The following CLASP1 variants were observed in gnomAD, a reference collection of about 807,000 sequenced individuals.
The protein encoded by CLASP1 is cytoplasmic linker associated protein 1.
In CLASP1, 38 loss-of-function variants were observed where a neutral mutation model predicts 192.3. The ratio of observed to expected loss-of-function variants is 0.20; its 90% CI spans 0.15 to 0.26. The LOEUF is 0.26. Ranked by LOEUF, CLASP1 falls within the 10% of genes least tolerant of loss-of-function variation. The pLI is 1.00. For synonymous variants in CLASP1, 691 were observed against 712.8 expected, an observed-to-expected ratio of 0.97 and a Z score of 0.49; for missense variants, 1,433 against 1,932.5, an observed-to-expected ratio of 0.74 and a Z score of 4.85.
intron 33 of CLASP1, among the ~76,000 whole-genome samples, chr2:121,378,998 T>C (rs1446372814): frequency 1.3e-5 from 2 of 149,092 alleles, no homozygotes; most frequent in Admixed American, 6.7e-5. Flanking sequence ...TTGGGGCAGA[T>C]GAGCAAGGTA....
chr2:121,529,769 G>C (rs1382120505), intron 3 of CLASP1, among the ~76,000 whole-genome samples: 1 of 152,140 alleles, frequency 6.6e-6, no homozygotes, highest in African/African-American at 2.4e-5. Context: ...TAATCATCTG[G>C]AGAAAAATAC....
At chr2:121,361,629 T>C (rs1039601486) in intron 37 of CLASP1, among the ~76,000 whole-genome samples, 1 of 152,144 alleles carries the variant, frequency 6.6e-6, no homozygotes, top group African/African-American at 2.4e-5. Flanking sequence ...TGGCTATTGT[T>C]AGTGCATTTT....
At chr2:121,491,795 T>C (rs1205483391) in intron 8 of CLASP1, among the ~76,000 whole-genome samples, 1 of 152,248 alleles carries the variant, frequency 6.6e-6, no homozygotes, top group Non-Finnish European at 1.5e-5. Flanking sequence ...CCATTTCAAA[T>C]TGCTACTTGG....
chr2:121,478,837 C>CCACACACACCA (rs2092157300), intron 8 of CLASP1, among the ~76,000 whole-genome samples: 4 of 94,370 alleles, frequency 4.2e-5, no homozygotes, highest in Admixed American at 1.1e-4. Context: ...ACACCACACA[C>CCACACACACCA]CACACACACA....
At position 121,515,548 on chromosome 2, in the gene CLASP1, T is replaced by C. The variant is rs926182828; in HGVS notation, c.644+117A>G. On this transcript the variant is annotated intron_variant, in intron 7 of 39. Transcript: ENST00000263710. ...AATCTCCAACTACCCTCTAACCTTA[T>C]ATTCTTTGAATAAAATAACCACAAC... The C allele has an allele frequency of 4.1e-5, 33 of 805,466 alleles. No individual in the cohort carries two copies. The East Asian group carries it at 8.9e-4, about 22-fold the overall frequency. 49.9% of individuals were successfully genotyped at this position (805,466 alleles called of 1,614,324 possible). A position where few individuals can be genotyped will look rare whatever the true frequency, so the allele number is the denominator to read the frequency against.
intron 2 of CLASP1, among the ~76,000 whole-genome samples, chr2:121,581,290 T>C (rs13029673): frequency 2.8e-4 from 31 of 110,554 alleles, no homozygotes; most frequent in African/African-American, 5.6e-4. Flanking sequence ...TTTTTTGAGA[T>C]GGAGTCTCGC....
intron 2 of CLASP1, among the ~76,000 whole-genome samples, chr2:121,541,711 G>A (rs1441892258): frequency 6.6e-6 from 1 of 152,160 alleles, no homozygotes; most frequent in Non-Finnish European, 1.5e-5. Context: ...CTTTGGGGCT[G>A]ACATCCAGCT....
intron 2 of CLASP1, among the ~76,000 whole-genome samples, chr2:121,593,368 C>A (rs1021691262): frequency 5.3e-5 from 8 of 152,052 alleles, no homozygotes; most frequent in African/African-American, 1.9e-4. Flanking sequence ...ACCTGTAATC[C>A]CAGCACTTAG....
At chr2:121,476,480 A>C (rs978275845) in intron 8 of CLASP1, among the ~76,000 whole-genome samples, 6 of 152,210 alleles carry the variant, frequency 3.9e-5, no homozygotes, top group Middle Eastern at 3.2e-3. Context: ...TTGTAATTAG[A>C]AGCTTTGGGC....
At chr2:121,594,069 C>G (rs28446341) in intron 2 of CLASP1, among the ~76,000 whole-genome samples, 1 of 151,392 alleles carries the variant, frequency 6.6e-6, no homozygotes, top group Non-Finnish European at 1.5e-5. Context: ...GAGGCCGAGG[C>G]GGGTGGAGAT....
chr2:121,490,349 G>GC (rs1261586675), intron 8 of CLASP1: 1 of 440,116 alleles, frequency 2.3e-6, no homozygotes, highest in Non-Finnish European at 4.5e-6. Context: ...CCTACTCACA[G>GC]CAACTTAAGC....
exon 40 of CLASP1, chr2:121,339,123 ACAC>A (rs1298584256): frequency 1.4e-5 from 2 of 144,100 alleles, no homozygotes; most frequent in Non-Finnish European, 2.9e-5. Context: ...GCACAAACAC[ACAC>A]AACACCACAC....
At chr2:121,418,815 T>A in intron 22 of CLASP1, 86 bp from the exon 23 acceptor site, 2 of 975,648 alleles carry the variant, frequency 2.0e-6, no homozygotes, top group Non-Finnish European at 3.2e-6. Flanking sequence ...CACATTTGGT[T>A]AATGTAATTA....
chr2:121,366,087 C>A (rs1277397089), intron 35 of CLASP1, among the ~76,000 whole-genome samples: 1 of 152,192 alleles, frequency 6.6e-6, no homozygotes, highest in Non-Finnish European at 1.5e-5. Flanking sequence ...AGCAAACACA[C>A]AAGAAAGTCT....
intron 14 of CLASP1, among the ~76,000 whole-genome samples, chr2:121,456,739 A>T (rs1235497999): frequency 6.6e-6 from 1 of 152,084 alleles, no homozygotes; most frequent in East Asian, 1.9e-4. Context: ...TCAACAAGAC[A>T]CCCCAGGAAA....
intron 17 of CLASP1, 130 bp from the exon 18 acceptor site, chr2:121,448,455 C>T: frequency 2.5e-6 from 2 of 814,540 alleles, no homozygotes; most frequent in Admixed American, 4.2e-5. Context: ...GCAATGTGAA[C>T]CACAATGTTG....
At chr2:121,463,175 T>C (rs1272721397) in intron 9 of CLASP1, among the ~76,000 whole-genome samples, 2 of 152,236 alleles carry the variant, frequency 1.3e-5, no homozygotes, top group Non-Finnish European at 2.9e-5. Flanking sequence ...TTAAAAGTAT[T>C]GGAGAAAGTA....
At chr2:121,633,178 A>G (rs927852550) in intron 1 of CLASP1, among the ~76,000 whole-genome samples, 1 of 152,014 alleles carries the variant, frequency 6.6e-6, no homozygotes, top group African/African-American at 2.4e-5. Context: ...GAAAAATTTC[A>G]TGCATTTAAC....
chr2:121,462,493 G>C (rs1213325407), intron 10 of CLASP1, 39 bp downstream of exon 10: 1 of 1,135,630 alleles, frequency 8.8e-7, no homozygotes. Flanking sequence ...AGAGTAAGTT[G>C]ACCCTTGTTT....
Sources: gnomAD v4.1 joint callset for allele counts (sites outside exome capture counted in the v4.1 genomes callset) on GRCh38, gnomAD v4.1.1 for gene constraint, MANE v1.5 for transcripts, NCBI Gene and HGNC (gene_info 2026-07-23, HGNC 2026-07-21) for gene names.